The following SLC35F2 variants were observed in gnomAD, a reference collection of about 807,000 sequenced individuals.
SLC35F2 encodes solute carrier family 35 member F2.
SLC35F2 carries 25 observed loss-of-function variants against 38.1 expected under a neutral mutation model. The ratio of observed to expected loss-of-function variants is 0.66; its 90% CI spans 0.48 to 0.92. The LOEUF is 0.92. Among genes scored for constraint, SLC35F2 ranks in the 40% least tolerant of loss-of-function variants. SLC35F2 has a pLI of 0.00. For synonymous variants in SLC35F2, 173 were observed against 181.7 expected, an observed-to-expected ratio of 0.95 and a Z score of 0.38; for missense variants, 409 against 452.9, an observed-to-expected ratio of 0.90 and a Z score of 0.88.
chr11:107,821,472 G>A, intron 1 of SLC35F2: 1 of 985,348 alleles, frequency 1.0e-6, no homozygotes, highest in Non-Finnish European at 1.2e-6. Flanking sequence ...GGCGGGGAGG[G>A]GGTAGGAAAT....
intron 1 of SLC35F2, among the ~76,000 whole-genome samples, chr11:107,839,684 G>T (rs545303018): frequency 6.6e-6 from 1 of 152,126 alleles, no homozygotes; most frequent in Non-Finnish European, 1.5e-5. Flanking sequence ...ACGGAGTTTC[G>T]CTCTTGTAGC....
intron 1 of SLC35F2, among the ~76,000 whole-genome samples, chr11:107,822,210 G>A (rs1591196388): frequency 6.6e-6 from 1 of 152,206 alleles, no homozygotes; most frequent in African/African-American, 2.4e-5. Flanking sequence ...CTCCAGCGTG[G>A]GCAACAAAGC....
chr11:107,823,183 A>G lies in SLC35F2; in HGVS notation c.111-7218T>C. The G allele has an allele frequency of 4.1e-6, 4 of 985,446 alleles. No individual in the cohort carries two copies. In the South Asian group the frequency reaches 1.9e-4, roughly 46 times the overall value. The allele number at this position is 985,446 out of a possible 1,614,324, so 61.0% of individuals were successfully genotyped here. A position where few individuals can be genotyped will look rare whatever the true frequency, so the allele number is the denominator to read the frequency against. On this transcript the variant is annotated intron_variant, in intron 1 of 7. Coordinates refer to ENST00000525815, the MANE Select transcript of SLC35F2 (RefSeq NM_017515.5). ...GATTCTCAGAGGGTAGATTCCAAGT[A>G]TCAGCCTATTTTAAGTCTCCCAGAT... is the stretch of plus-strand genomic sequence containing the variant.
At chr11:107,847,095 G>T (rs1860113604) in intron 1 of SLC35F2, among the ~76,000 whole-genome samples, 1 of 152,118 alleles carries the variant, frequency 6.6e-6, no homozygotes, top group African/African-American at 2.4e-5. Flanking sequence ...CTGTCGCCCA[G>T]GCTAGAGTGC....
chr11:107,792,987 G>T lies in SLC35F2; in HGVS notation c.940-187C>A, dbSNP rs1260097066. The T allele has an allele frequency of 3.4e-6, 3 of 879,878 alleles. No individual in the cohort carries two copies. In the East Asian group the frequency reaches 3.6e-4, roughly 107 times the overall value. The allele number at this position is 879,878 out of a possible 1,614,324, so 54.5% of individuals were successfully genotyped here. Reference sequence around the variant, plus strand: ...GCTGGAGTGCAGTGGCACAATCTCGGCTCACTGCAACCTCCACCTCCCAGG... The same window carrying T: ...GCTGGAGTGCAGTGGCACAATCTCGTCTCACTGCAACCTCCACCTCCCAGG... On this transcript the variant is annotated intron_variant, in intron 7 of 7. Coordinates refer to ENST00000525815, the MANE Select transcript of SLC35F2 (RefSeq NM_017515.5).
rs1478772774 is a variant in SLC35F2, at chr11:107,831,067, T to C, written c.111-15102A>G. On this transcript the variant is annotated intron_variant, in intron 1 of 7. Coordinates refer to ENST00000525815, the MANE Select transcript of SLC35F2 (RefSeq NM_017515.5). Reference sequence around the variant, plus strand: ...AAACAGTGTCATATTCCTCTTTGTTTATCCAGGATATGAATCAATACGGGC... The same window carrying C: ...AAACAGTGTCATATTCCTCTTTGTTCATCCAGGATATGAATCAATACGGGC... Among the ~76,000 whole-genome samples, 3 of 152,192 alleles carry C rather than the reference T, an allele frequency of 2.0e-5. No individual in the cohort carries two copies. In the East Asian group the frequency reaches 5.8e-4, roughly 29 times the overall value.
chr11:107,839,717 G>A (rs1044586507), intron 1 of SLC35F2, among the ~76,000 whole-genome samples: 2 of 152,224 alleles, frequency 1.3e-5, no homozygotes, highest in Middle Eastern at 3.4e-3. Flanking sequence ...GCAATGGTGC[G>A]ATCTCGGCTC....
At chr11:107,841,294 A>G (rs11212405) in intron 1 of SLC35F2, among the ~76,000 whole-genome samples, 65,044 of 152,040 alleles carry the variant, frequency 0.43, 14,019 homozygotes, top group Admixed American at 0.53. Flanking sequence ...CGGGTGTGGC[A>G]GCTCATGCCT....
At chr11:107,815,759 G>C (rs1361433073) in intron 2 of SLC35F2, 31 bp downstream of exon 2, 1 of 1,560,396 alleles carries the variant, frequency 6.4e-7, no homozygotes, top group East Asian at 2.3e-5. Context: ...AGATAATTTT[G>C]TTGAAAAGAT....
intron 1 of SLC35F2, among the ~76,000 whole-genome samples, chr11:107,852,822 C>T (rs1860208859): frequency 6.7e-6 from 1 of 150,254 alleles, no homozygotes; most frequent in Admixed American, 6.7e-5. Flanking sequence ...CTACAGTGAG[C>T]TGAGATTGCA....
In SLC35F2 at chr11:107,805,548, C is replaced by T. The variant is rs749622801; in HGVS notation, c.575-33G>A. On this transcript the variant is annotated intron_variant, in intron 4 of 7. Coordinates refer to ENST00000525815, the MANE Select transcript of SLC35F2 (RefSeq NM_017515.5). ...AAGACAAGCCACAGAAAGCAAAACA[C>T]TGTCAACAGATGAACCTCCACAGCG... is the stretch of plus-strand genomic sequence containing the variant. 5 of 1,602,968 alleles carry T rather than the reference C, an allele frequency of 3.1e-6. No homozygotes were observed. In the East Asian group the frequency reaches 8.9e-5, roughly 29 times the overall value.
chr11:107,821,558 A>G (rs1440629772), intron 1 of SLC35F2: 2 of 985,446 alleles, frequency 2.0e-6, no homozygotes, highest in Non-Finnish European at 2.4e-6. Flanking sequence ...TTTGTTACTT[A>G]TAGCTCCACT....
At chr11:107,805,318 T>C in intron 5 of SLC35F2, 41 bp downstream of exon 5, 1 of 1,556,140 alleles carries the variant, frequency 6.4e-7, no homozygotes, top group East Asian at 2.3e-5. Flanking sequence ...CTATAATATA[T>C]TTGCTTATTT....
At position 107,791,209 on chromosome 11, in the gene SLC35F2, T is replaced by C. The variant is rs915751396; in HGVS notation, c.*1406A>G. On this transcript the variant is annotated 3_prime_UTR_variant, in exon 8 of 8. Coordinates refer to ENST00000525815, the MANE Select transcript of SLC35F2 (RefSeq NM_017515.5). ...ATAAGAAGTAGTAATAGCATTGTCT[T>C]TTAACAGCTGGAGGCTCCCAGGCAT... 6.6e-6 allele frequency: 1 copy of C among 152,634 alleles called. No homozygotes were observed. Among genetic ancestry groups the C allele is most frequent in the Non-Finnish European group, 1.5e-5 (1 of 68,046 alleles). The allele number at this position is 152,634 out of a possible 1,614,324, so 9.5% of individuals were successfully genotyped here.
chr11:107,853,514 C>T (rs952521875), intron 1 of SLC35F2, among the ~76,000 whole-genome samples: 13 of 151,568 alleles, frequency 8.6e-5, no homozygotes, highest in Admixed American at 7.2e-4. Flanking sequence ...GTCAGGAGAT[C>T]GAGACCATCC....
At chr11:107,821,664 A>G in intron 1 of SLC35F2, 1 of 971,934 alleles carries the variant, frequency 1.0e-6, no homozygotes, top group East Asian at 1.1e-4. Flanking sequence ...CTGTTTAAGC[A>G]AAGCTGCCAG....
At chr11:107,804,442 A>G (rs1207466314) in intron 6 of SLC35F2, among the ~76,000 whole-genome samples, 1 of 152,178 alleles carries the variant, frequency 6.6e-6, no homozygotes, top group Non-Finnish European at 1.5e-5. Context: ...GATCTAATTG[A>G]AAGCTGGTTT....
chr11:107,838,869 T>A (rs1859971384), intron 1 of SLC35F2, among the ~76,000 whole-genome samples: 1 of 151,962 alleles, frequency 6.6e-6, no homozygotes, highest in South Asian at 2.1e-4. Context: ...CCTCAGGTGA[T>A]CTGCCCATCT....
At chr11:107,854,120 ACTGT>A (rs1468342543) in intron 1 of SLC35F2, among the ~76,000 whole-genome samples, 6 of 152,182 alleles carry the variant, frequency 3.9e-5, no homozygotes, top group African/African-American at 1.2e-4. Flanking sequence ...CAGAATGTAA[ACTGT>A]CTGACAGTAT....
Sources: allele counts gnomAD v4.1 joint callset (sites outside exome capture counted in the v4.1 genomes callset), GRCh38; gene constraint gnomAD v4.1.1; transcripts MANE v1.5; gene names NCBI Gene and HGNC (gene_info 2026-07-23, HGNC 2026-07-21).